The following SND1 variants were observed in gnomAD, a reference collection of about 807,000 sequenced individuals.
SND1 encodes the protein staphylococcal nuclease domain-containing protein 1.
In SND1, 38 loss-of-function variants were observed where a neutral mutation model predicts 121.7. The observed-to-expected ratio is 0.31, with a 90% CI of 0.24 to 0.41. SND1 has a LOEUF of 0.41. Ranked by LOEUF, SND1 falls within the 10% of genes least tolerant of loss-of-function variation. The probability of loss-of-function intolerance (pLI) is 1.00; values close to 1 mark genes in which losing one functional copy is unlikely to be tolerated. For missense variants in SND1, 868 were observed against 1,184.6 expected (o/e 0.73, Z 3.92); for synonymous variants, 401 against 447.4 (o/e 0.90, Z 1.31).
intron 10 of SND1, among the ~76,000 whole-genome samples, chr7:127,793,241 T>C (rs1176903078): frequency 2.6e-5 from 4 of 152,228 alleles, no homozygotes; most frequent in Admixed American, 6.5e-5. Flanking sequence ...AGGCAGACGA[T>C]AGAAACTGTC....
At chr7:127,740,347 G>A (rs1227192928) in intron 10 of SND1, among the ~76,000 whole-genome samples, 1 of 151,978 alleles carries the variant, frequency 6.6e-6, no homozygotes, top group Non-Finnish European at 1.5e-5. Flanking sequence ...TTCATGTGTT[G>A]ATTTGGAATA....
intron 10 of SND1, among the ~76,000 whole-genome samples, chr7:127,734,744 TC>T (rs1334437840): frequency 6.6e-6 from 1 of 152,192 alleles, no homozygotes; most frequent in Non-Finnish European, 1.5e-5. Context: ...GGAAATCTTG[TC>T]CTTGTTCTGA....
At chr7:127,683,112 AG>A (rs1795755715) in intron 1 of SND1, among the ~76,000 whole-genome samples, 1 of 152,224 alleles carries the variant, frequency 6.6e-6, no homozygotes, top group African/African-American at 2.4e-5. Context: ...TCATTGAGGA[AG>A]AACTTGAATA....
chr7:127,898,950 C>T (rs1033632759), intron 13 of SND1, among the ~76,000 whole-genome samples: 1 of 152,160 alleles, frequency 6.6e-6, no homozygotes, highest in Non-Finnish European at 1.5e-5. Context: ...GGAAAGCCAA[C>T]AAACCTCATT....
rs748087495 is a variant in SND1 at position 127,686,641 on chromosome 7, G to A, written c.107G>A (p.Arg36Gln). 2.5e-6 allele frequency: 4 copies of A among 1,614,066 alleles called. No individual in the cohort carries two copies. Among genetic ancestry groups the A allele is most frequent in the Non-Finnish European group, 3.4e-6 (4 of 1,179,962 alleles). ...CTCTCAGGGTGCGCCATCATTGTCC[G>A]AGGTCAGCCTCGTGGTGGGCCTCCT... ...MVLSGCAIIVRGQPRGGPPPE... is the reference protein window; with the variant it reads ...MVLSGCAIIVQGQPRGGPPPE... The change falls in exon 2 of 24, where the codon CGA (arginine) becomes CAA (glutamine). Residue 36 changes from arginine to glutamine, a missense_variant. By Grantham distance (43) the Arg-to-Gln change is conservative. Coordinates refer to ENST00000354725, the MANE Select transcript of SND1 (RefSeq NM_014390.4).
intron 10 of SND1, among the ~76,000 whole-genome samples, chr7:127,797,430 A>G (rs1012414967): frequency 1.3e-5 from 2 of 152,232 alleles, no homozygotes; most frequent in Admixed American, 1.3e-4. Context: ...CTCTTCAGGA[A>G]TTGATGCCCT....
At chr7:127,839,031 A>G (rs1584609767) in intron 11 of SND1, among the ~76,000 whole-genome samples, 1 of 152,228 alleles carries the variant, frequency 6.6e-6, no homozygotes, top group Non-Finnish European at 1.5e-5. Flanking sequence ...TCGCTTATCT[A>G]AGTTCACACA....
chr7:127,913,290 C>T (rs945478614), intron 14 of SND1, among the ~76,000 whole-genome samples: 1 of 152,194 alleles, frequency 6.6e-6, no homozygotes, highest in Non-Finnish European at 1.5e-5. Flanking sequence ...TAGTTTCCTT[C>T]TGCTTCCTTG....
chr7:127,853,211 T>G (rs1434050157), intron 12 of SND1, among the ~76,000 whole-genome samples: 1 of 152,086 alleles, frequency 6.6e-6, no homozygotes, highest in Non-Finnish European at 1.5e-5. Context: ...ATTTTGCAAG[T>G]GGGGGCTCGG....
intron 16 of SND1, among the ~76,000 whole-genome samples, chr7:128,067,552 C>A (rs1793336651): frequency 6.6e-6 from 1 of 152,142 alleles, no homozygotes; most frequent in African/African-American, 2.4e-5. Context: ...GCGCCCTGTG[C>A]TGGGCTCTTT....
At chr7:127,949,581 A>G (rs1801414068) in intron 15 of SND1, among the ~76,000 whole-genome samples, 1 of 152,254 alleles carries the variant, frequency 6.6e-6, no homozygotes, top group Non-Finnish European at 1.5e-5. Context: ...AGCATCTCAT[A>G]CAGTATGTGC....
chr7:128,041,379 A>G (rs1264921538), intron 16 of SND1, among the ~76,000 whole-genome samples: 1 of 152,194 alleles, frequency 6.6e-6, no homozygotes, highest in Non-Finnish European at 1.5e-5. Context: ...CCCATGAGTC[A>G]TCAAACAACC....
At chr7:127,659,590 C>T (rs1795273468) in intron 1 of SND1, among the ~76,000 whole-genome samples, 2 of 152,132 alleles carry the variant, frequency 1.3e-5, no homozygotes, top group South Asian at 4.1e-4. Context: ...GGCAAGTAGT[C>T]TGCTTGGGAT....
intron 10 of SND1, among the ~76,000 whole-genome samples, chr7:127,803,058 T>G (rs1237413023): frequency 6.6e-6 from 1 of 152,232 alleles, no homozygotes; most frequent in East Asian, 1.9e-4. Context: ...GTGTCTGTTT[T>G]CAACACAAAA....
chr7:128,082,607 A>C (rs535891217), intron 18 of SND1, among the ~76,000 whole-genome samples: 1 of 152,342 alleles, frequency 6.6e-6, no homozygotes, highest in South Asian at 2.1e-4. Context: ...GAGGTCAGCC[A>C]CAGTCCTGCT....
intron 11 of SND1, among the ~76,000 whole-genome samples, chr7:127,808,757 T>C (rs918759803): frequency 3.3e-5 from 5 of 152,246 alleles, no homozygotes; most frequent in African/African-American, 4.8e-5. Flanking sequence ...GTACGAATGA[T>C]GGCTTTAAGC....
chr7:127,704,971 A>G, intron 8 of SND1, 26 bp downstream of exon 8: 4 of 1,569,128 alleles, frequency 2.5e-6, no homozygotes, highest in Non-Finnish European at 3.5e-6. Flanking sequence ...GAGGCCTTCC[A>G]GCTGTGGATC....
intron 7 of SND1, among the ~76,000 whole-genome samples, chr7:127,703,866 A>G (rs764769290): frequency 2.0e-5 from 3 of 152,216 alleles, no homozygotes; most frequent in Non-Finnish European, 4.4e-5. Flanking sequence ...GAACTTGATC[A>G]CATATTTATC....
intron 7 of SND1, among the ~76,000 whole-genome samples, chr7:127,704,572 G>A (rs913168671): frequency 1.3e-5 from 2 of 152,190 alleles, no homozygotes; most frequent in Non-Finnish European, 2.9e-5. Flanking sequence ...AGTGCCACTA[G>A]CATTTATCCT....
Sources: allele counts gnomAD v4.1 joint callset (sites outside exome capture counted in the v4.1 genomes callset), GRCh38; gene constraint gnomAD v4.1.1; transcripts MANE v1.5; gene names NCBI Gene and HGNC (gene_info 2026-07-23, HGNC 2026-07-21).